The following MSR1 variants were observed in gnomAD, a reference collection of about 807,000 sequenced individuals.
MSR1 encodes macrophage scavenger receptor 1.
MSR1 carries 53 observed loss-of-function variants against 47.2 expected under a neutral mutation model. That is an observed-to-expected ratio of 1.12 (90% CI 0.90 to 1.41). MSR1 has a LOEUF of 1.41. MSR1 is among the 40% of genes most tolerant of loss of function. The pLI is 0.00. For missense variants in MSR1, 786 were observed against 546.9 expected (o/e 1.44, Z -4.36); for synonymous variants, 239 against 185.6 (o/e 1.29, Z -2.34).
intron 9 of MSR1, among the ~76,000 whole-genome samples, chr8:16,112,487 GTTGTT>G (rs1799779852): frequency 6.6e-6 from 1 of 151,892 alleles, no homozygotes; most frequent in East Asian, 1.9e-4. Context: ...CCAAAGATTT[GTTGTT>G]TTATTTTTAT....
intron 5 of MSR1, among the ~76,000 whole-genome samples, chr8:16,162,747 A>T (rs1157353231): frequency 6.6e-6 from 1 of 151,986 alleles, no homozygotes; most frequent in Non-Finnish European, 1.5e-5. Flanking sequence ...GAGTGGGTTA[A>T]CTTGCAGGTA....
intron 3 of MSR1, among the ~76,000 whole-genome samples, chr8:16,174,757 A>G (rs1801590743): frequency 6.6e-6 from 1 of 152,206 alleles, no homozygotes; most frequent in Non-Finnish European, 1.5e-5. Flanking sequence ...TAAGAATAGA[A>G]GAGCTTCTCC....
chr8:16,128,981 TA>T (rs1241952215), intron 8 of MSR1, among the ~76,000 whole-genome samples: 1 of 152,126 alleles, frequency 6.6e-6, no homozygotes, highest in Non-Finnish European at 1.5e-5. Flanking sequence ...ATGTACTGGG[TA>T]ACAGGATTAA....
chr8:16,153,585 T>C (rs1188209073), intron 6 of MSR1, among the ~76,000 whole-genome samples: 1 of 151,836 alleles, frequency 6.6e-6, no homozygotes, highest in East Asian at 1.9e-4. Context: ...AAATCAAAGA[T>C]TCTTTGCAAT....
intron 5 of MSR1, among the ~76,000 whole-genome samples, chr8:16,160,767 C>G (rs1025455065): frequency 6.6e-6 from 1 of 151,906 alleles, no homozygotes; most frequent in Admixed American, 6.6e-5. Context: ...TGAAATGAAA[C>G]AAGCACTTTT....
At chr8:16,148,284 T>C (rs1387679997) in intron 7 of MSR1, among the ~76,000 whole-genome samples, 1 of 152,074 alleles carries the variant, frequency 6.6e-6, no homozygotes, top group South Asian at 2.1e-4. Flanking sequence ...GCTGTATTTA[T>C]CTCCAGCACA....
rs192776088 is a variant in MSR1 at position 16,171,818 on chromosome 8, C to T, written c.218-2948G>A. ...GAACTGCCTGGGTTAGCAATTCTGG[C>T]TCTGCCCTTTATAAACTATGGCGTT... On this transcript the variant is annotated intron_variant, in intron 3 of 9. Coordinates refer to ENST00000262101, the MANE Select transcript of MSR1 (RefSeq NM_138715.3). Among the ~76,000 whole-genome samples the T allele has an allele frequency of 9.9e-5, 15 of 152,252 alleles. No individual in the cohort carries two copies. The East Asian group carries it at 2.9e-3, about 29-fold the overall frequency.
At chr8:16,134,458 C>A (rs1800341049) in intron 8 of MSR1, among the ~76,000 whole-genome samples, 1 of 152,060 alleles carries the variant, frequency 6.6e-6, no homozygotes, top group South Asian at 2.1e-4. Context: ...ACAAACCATG[C>A]CCGTAAAAGA....
chr8:16,188,575 T>C lies in MSR1; in HGVS notation c.-5+4023A>G, dbSNP rs143555159. 5.8e-3 allele frequency among the ~76,000 whole-genome samples: 883 copies of C among 152,150 alleles called. 24 individuals carry two copies. The East Asian group carries it at 0.097, about 17-fold the overall frequency. ...TTGCTACATTGGTATACATATGCCA[T>C]GGTGGTTTGCTGCACCCATCAGCCC... On this transcript the variant is annotated intron_variant, in intron 1 of 9. Transcript: ENST00000262101.
intron 6 of MSR1, among the ~76,000 whole-genome samples, chr8:16,152,706 A>C (rs1315388731): frequency 6.6e-6 from 1 of 152,078 alleles, no homozygotes; most frequent in African/African-American, 2.4e-5. Context: ...CTTCTCCTTC[A>C]AAACATTGTT....
intron 6 of MSR1, among the ~76,000 whole-genome samples, chr8:16,154,610 A>G (rs1354555625): frequency 2.6e-5 from 4 of 151,988 alleles, no homozygotes; most frequent in Non-Finnish European, 5.9e-5. Flanking sequence ...CTTGTGATTC[A>G]TAACTCACTA....
At chr8:16,117,076 C>T (rs1203453193) in intron 9 of MSR1, among the ~76,000 whole-genome samples, 1 of 152,092 alleles carries the variant, frequency 6.6e-6, no homozygotes, top group Non-Finnish European at 1.5e-5. Context: ...AGACCATGGA[C>T]CAATAGTGTC....
intron 8 of MSR1, among the ~76,000 whole-genome samples, chr8:16,135,487 G>C (rs1386658900): frequency 6.6e-6 from 1 of 152,078 alleles, no homozygotes; most frequent in African/African-American, 2.4e-5. Context: ...AAATATTACT[G>C]CTCATTGAGA....
Position 16,155,145 on chromosome 8 carries a change from C to T in MSR1, c.818-1G>A, listed in dbSNP as rs772978107. 22 of 1,610,030 alleles carry T rather than the reference C, an allele frequency of 1.4e-5. No homozygotes were observed. Among genetic ancestry groups the T allele is most frequent in the Non-Finnish European group, 1.8e-5 (21 of 1,177,290 alleles). The stretch of plus-strand genomic sequence containing the variant: ...TTTTCACCCGGGGGTCCAGGAGGAC[C>T]TTTAAAAAAATTACAGTTACTGATC... On this transcript the variant is annotated splice_acceptor_variant, in intron 5 of 9. Coordinates refer to ENST00000262101, the MANE Select transcript of MSR1 (RefSeq NM_138715.3). LOFTEE classifies it high-confidence loss of function.
At chr8:16,114,560 C>T (rs535014823) in intron 9 of MSR1, among the ~76,000 whole-genome samples, 60 of 152,068 alleles carry the variant, frequency 3.9e-4, no homozygotes, top group African/African-American at 1.1e-3. Context: ...AGCCTGGATA[C>T]GGGGCAAAAA....
At chr8:16,183,287 G>A (rs1484422822) in intron 1 of MSR1, among the ~76,000 whole-genome samples, 1 of 151,928 alleles carries the variant, frequency 6.6e-6, no homozygotes, top group Non-Finnish European at 1.5e-5. Context: ...AAGACCGTTT[G>A]TGAAAAAAGC....
intron 8 of MSR1, among the ~76,000 whole-genome samples, chr8:16,134,926 T>G (rs1800353936): frequency 6.6e-6 from 1 of 152,192 alleles, no homozygotes; most frequent in African/African-American, 2.4e-5. Flanking sequence ...AGCAAGGCTC[T>G]ACCTCTCTTC....
Position 16,137,136 on chromosome 8 carries a change from G to A in MSR1, c.1033+6422C>T, listed in dbSNP as rs116424825. Among the ~76,000 whole-genome samples, 1,479 of 152,136 alleles carry A rather than the reference G, an allele frequency of 9.7e-3. 32 individuals are homozygous for A. Among genetic ancestry groups the A allele is most frequent in the African/African-American group, 0.033 (1,375 of 41,538 alleles). ...TGAGCCCGTTAGCAAAATAAAGATA[G>A]AATATTAACAGGTAGCTCTTCCCCA... On this transcript the variant is annotated intron_variant, in intron 8 of 9. Transcript: ENST00000262101.
chr8:16,173,351 T>C (rs868583563), intron 3 of MSR1, among the ~76,000 whole-genome samples: 1 of 152,204 alleles, frequency 6.6e-6, no homozygotes, highest in Non-Finnish European at 1.5e-5. Flanking sequence ...GTGATTTGCA[T>C]AAAGGTGATG....
Sources: gnomAD v4.1 joint callset for allele counts (sites outside exome capture counted in the v4.1 genomes callset) on GRCh38, gnomAD v4.1.1 for gene constraint, MANE v1.5 for transcripts, NCBI Gene and HGNC (gene_info 2026-07-23, HGNC 2026-07-21) for gene names.